The following CCDC63 variants were observed in gnomAD, a reference collection of about 807,000 sequenced individuals.
CCDC63 encodes coiled-coil domain containing 63.
Under a neutral mutation model 63.6 loss-of-function variants are expected in CCDC63, and 54 were observed. That is an observed-to-expected ratio of 0.85 (90% CI 0.68 to 1.07). The LOEUF (loss-of-function observed/expected upper bound fraction) is 1.07. Ranked by LOEUF, CCDC63 falls within the 50% of genes least tolerant of loss-of-function variation. CCDC63 has a pLI of 0.00. For synonymous variants in CCDC63, 253 were observed against 266.1 expected (o/e 0.95, Z 0.48); for missense variants, 637 against 689.6 (o/e 0.92, Z 0.86).
At chr12:110,875,755 T>A (rs2071121789) in intron 5 of CCDC63, among the ~76,000 whole-genome samples, 1 of 152,160 alleles carries the variant, frequency 6.6e-6, no homozygotes, top group African/African-American at 2.4e-5. Context: ...ACTGGTCCCC[T>A]CTTCCCTTCA....
chr12:110,871,542 C>CCCTCCCTCCCTTCCTT (rs2071067275), intron 4 of CCDC63, among the ~76,000 whole-genome samples: 1 of 150,792 alleles, frequency 6.6e-6, no homozygotes. Context: ...CTTCCTTCCT[C>CCCTCCCTCCCTTCCTT]CCTCCCTCCC....
chr12:110,894,636 C>CA (rs2071395569), intron 9 of CCDC63, among the ~76,000 whole-genome samples: 1 of 152,196 alleles, frequency 6.6e-6, no homozygotes, highest in Non-Finnish European at 1.5e-5. Context: ...AACAGGGTTC[C>CA]AGGCAGGGTC....
chr12:110,880,982 C>A, intron 6 of CCDC63, 133 bp from the exon 7 acceptor site: 1 of 753,560 alleles, frequency 1.3e-6, no homozygotes, highest in Non-Finnish European at 2.0e-6. Flanking sequence ...ATTGTTTTTA[C>A]ACACCGAGAA....
intron 4 of CCDC63, among the ~76,000 whole-genome samples, chr12:110,873,600 T>C (rs537117090): frequency 2.0e-5 from 3 of 152,300 alleles, no homozygotes; most frequent in South Asian, 4.1e-4. Flanking sequence ...GACTGCTTTA[T>C]TGTACCCCGA....
intron 5 of CCDC63, among the ~76,000 whole-genome samples, chr12:110,875,907 C>A (rs549191388): frequency 1.5e-4 from 23 of 151,982 alleles, no homozygotes; most frequent in Non-Finnish European, 3.1e-4. Context: ...GCCTGGCCAC[C>A]ATGGTGAAAC....
chr12:110,893,482 T>A, intron 9 of CCDC63, among the ~76,000 whole-genome samples: 1 of 152,184 alleles, frequency 6.6e-6, no homozygotes, highest in African/African-American at 2.4e-5. Flanking sequence ...TCTGCCTCTT[T>A]CCCTCTTTCT....
intron 4 of CCDC63, 72 bp downstream of exon 4, chr12:110,858,847 T>C (rs1039400673): frequency 6.6e-6 from 9 of 1,365,202 alleles, no homozygotes; most frequent in Non-Finnish European, 9.2e-6. Context: ...ATATTCGTGA[T>C]GCCTTAGGCC....
chr12:110,881,753 T>C (rs747699009), intron 7 of CCDC63, among the ~76,000 whole-genome samples: 1 of 152,044 alleles, frequency 6.6e-6, no homozygotes, highest in Non-Finnish European at 1.5e-5. Context: ...AAATATCAAA[T>C]AAACAATAAA....
rs1354265250 is a variant in CCDC63 at position 110,904,766 on chromosome 12, C to A, written c.1521C>A (p.Asp507Glu). The A allele has an allele frequency of 1.2e-6, 2 of 1,611,602 alleles. No homozygotes were observed. Among genetic ancestry groups the A allele is most frequent in the Non-Finnish European group, 8.5e-7 (1 of 1,179,128 alleles). Reference sequence around the variant, plus strand: ...TCATCCCCCCAGTGCTGGGGGCTGACCCCTTCAGCGACAGGTTGGATGATG... The same window carrying A: ...TCATCCCCCCAGTGCTGGGGGCTGAACCCTTCAGCGACAGGTTGGATGATG... ...IKVIPPVLGA[D>E]PFSDRLDDVE... The change falls in exon 11 of 12, where the codon GAC becomes GAA. Residue 507 changes from aspartate to glutamate, a missense_variant. By Grantham distance (45) the Asp-to-Glu change is conservative. Transcript: ENST00000308208.
At chr12:110,881,414 T>C in intron 7 of CCDC63, 118 bp downstream of exon 7, 1 of 1,066,118 alleles carries the variant, frequency 9.4e-7, no homozygotes, top group Non-Finnish European at 1.3e-6. Context: ...ATTTAGCAAA[T>C]AAAGATATAA....
intron 3 of CCDC63, among the ~76,000 whole-genome samples, chr12:110,858,092 T>G (rs2070798232): frequency 6.7e-6 from 1 of 148,640 alleles, no homozygotes; most frequent in Non-Finnish European, 1.5e-5. Context: ...GGCAACAGAG[T>G]GAGACTCTGT....
At chr12:110,893,174 G>T in intron 9 of CCDC63, 24 bp downstream of exon 9, 1 of 1,590,832 alleles carries the variant, frequency 6.3e-7, no homozygotes, top group African/African-American at 1.3e-5. Context: ...CGGGAGGGAG[G>T]GATGCGGGAG....
At position 110,880,372 on chromosome 12, in the gene CCDC63, T is replaced by C. The variant is rs558836073; in HGVS notation, c.671+285T>C. 3.9e-5 allele frequency among the ~76,000 whole-genome samples: 6 copies of C among 152,220 alleles called. No individual in the cohort carries two copies. The East Asian group carries it at 1.2e-3, about 29-fold the overall frequency. On this transcript the variant is annotated intron_variant, in intron 6 of 11. Coordinates refer to ENST00000308208, the MANE Select transcript of CCDC63 (RefSeq NM_152591.3). The stretch of plus-strand genomic sequence containing the variant: ...AATGCCTACCTGAGATCCAGGTAAG[T>C]GGTGATTGTGGTGAAGTTGAGATTC...
chr12:110,874,112 C>T, intron 5 of CCDC63, 151 bp downstream of exon 5: 4 of 1,087,712 alleles, frequency 3.7e-6, no homozygotes, highest in Non-Finnish European at 5.2e-6. Context: ...GCCAGGAAGC[C>T]TTTAGGATTT....
intron 3 of CCDC63, among the ~76,000 whole-genome samples, chr12:110,857,371 G>T (rs971935106): frequency 6.9e-6 from 1 of 145,446 alleles, no homozygotes; most frequent in African/African-American, 2.6e-5. Context: ...ATGATCCACT[G>T]GCCTCGGCCT....
intron 10 of CCDC63, among the ~76,000 whole-genome samples, chr12:110,903,587 T>C (rs1438118621): frequency 4.6e-5 from 7 of 152,206 alleles, no homozygotes; most frequent in African/African-American, 1.7e-4. Context: ...TCTAGCACGG[T>C]GCATGGCGTG....
chr12:110,907,340 C>G lies in CCDC63; in HGVS notation c.1556C>G (p.Pro519Arg). Residue 519 changes from proline to arginine, a missense_variant, in exon 12 of 12, where the codon CCC (proline) becomes CGC (arginine). Pro to Arg is a moderately radical substitution (Grantham distance 103). Transcript: ENST00000308208. The surrounding 1 kb of genome is among the most constrained non-coding windows in gnomAD (Gnocchi z 4.4). ...FSDRLDDVEQ[P>R]LDHSSLRQLV... ...TCTGATCTTGGTGCAGTGGAACAGC[C>G]CCTGGACCACAGCAGCCTTCGGCAG... 1.2e-6 allele frequency: 2 copies of G among 1,613,644 alleles called. No homozygotes were observed. The highest frequency in any genetic ancestry group is 1.7e-6 in the Non-Finnish European group (2 of 1,179,922).
chr12:110,868,693 C>G (rs1008811367), intron 4 of CCDC63, among the ~76,000 whole-genome samples: 1 of 135,710 alleles, frequency 7.4e-6, no homozygotes, highest in African/African-American at 2.7e-5. Flanking sequence ...TTCGGCTCCG[C>G]ATGAGAGGGA....
Position 110,904,810 on chromosome 12 carries a change from A to C in CCDC63, c.1546+19A>C. 1.3e-6 allele frequency: 2 copies of C among 1,580,474 alleles called. No individual in the cohort carries two copies. The highest frequency in any genetic ancestry group is 1.7e-6 in the Non-Finnish European group (2 of 1,161,332). On this transcript the variant is annotated intron_variant, in intron 11 of 11. Transcript: ENST00000308208. Reference sequence around the variant, plus strand: ...GATGATGGTGAGTTCTCTCTCTCTCAATCTGCACAGGTTGCTAGGGAACCT... The same window carrying C: ...GATGATGGTGAGTTCTCTCTCTCTCCATCTGCACAGGTTGCTAGGGAACCT...
Sources: gnomAD v4.1 joint callset for allele counts (sites outside exome capture counted in the v4.1 genomes callset) on GRCh38, gnomAD v4.1.1 for gene constraint, Gnocchi (gnomAD v3.1) non-coding constraint, MANE v1.5 for transcripts, NCBI Gene and HGNC (gene_info 2026-07-23, HGNC 2026-07-21) for gene names.